The following COPS4 variants were observed in gnomAD, a reference collection of about 807,000 sequenced individuals.
COPS4 encodes COP9 signalosome complex subunit 4.
COPS4 carries 8 observed loss-of-function variants against 55.1 expected under a neutral mutation model. That is an observed-to-expected ratio of 0.15 (90% CI 0.09 to 0.26). COPS4 has a LOEUF of 0.26. Ranked by LOEUF, COPS4 falls within the 10% of genes least tolerant of loss-of-function variation. The pLI, the probability that COPS4 is intolerant of heterozygous loss-of-function variation, is 1.00. For missense variants in COPS4, 248 were observed against 484.0 expected (o/e 0.51, Z 4.58); for synonymous variants, 185 against 165.7 (o/e 1.12, Z -0.90).
chr4:83,036,691 T>A (rs72931104), intron 1 of COPS4, among the ~76,000 whole-genome samples: 1,782 of 152,346 alleles, frequency 0.012, 36 homozygotes, highest in African/African-American at 0.04. Flanking sequence ...AAGCTGTCAG[T>A]AAATATATAT....
intron 1 of COPS4, among the ~76,000 whole-genome samples, chr4:83,036,285 C>T (rs1392515778): frequency 6.7e-6 from 1 of 149,142 alleles, no homozygotes; most frequent in Non-Finnish European, 1.5e-5. Context: ...CACCCGTCTC[C>T]GTAAATAAAT....
intron 4 of COPS4, among the ~76,000 whole-genome samples, chr4:83,053,553 T>C (rs893296221): frequency 1.3e-5 from 2 of 151,992 alleles, no homozygotes; most frequent in African/African-American, 2.4e-5. Flanking sequence ...TTTAAAAAAT[T>C]AAGATGGCAG....
At chr4:83,039,688 G>T (rs1730509740) in intron 1 of COPS4, among the ~76,000 whole-genome samples, 3 of 152,172 alleles carry the variant, frequency 2.0e-5, no homozygotes, top group Non-Finnish European at 1.5e-5. Context: ...CTTGAGTGCA[G>T]TAGAGAGATC....
chr4:83,072,513 T>C (rs773317101), intron 9 of COPS4, among the ~76,000 whole-genome samples: 1 of 152,234 alleles, frequency 6.6e-6, no homozygotes, highest in African/African-American at 2.4e-5. Flanking sequence ...TTGAATTTCC[T>C]GTATTGATTA....
intron 1 of COPS4, among the ~76,000 whole-genome samples, chr4:83,040,476 G>T (rs79483647): frequency 0.016 from 2,469 of 152,270 alleles, 66 homozygotes; most frequent in African/African-American, 0.056. Context: ...CAAAGTGTGT[G>T]TCTCCTCCTT....
Position 83,049,253 on chromosome 4 carries a change from C to G in COPS4, c.242C>G (p.Ala81Gly). 2.5e-6 allele frequency: 4 copies of G among 1,611,462 alleles called. No individual in the cohort carries two copies. Among genetic ancestry groups the G allele is most frequent in the East Asian group, 4.5e-5 (2 of 44,732 alleles). ...THLPNLPDST[A>G]KEIYHFTLEK... ...CTTCCTAACTTGCCTGATAGCACAGCCAAAGAAATCTATCACTTCACCTTG... is the reference window on the plus strand; with the variant it reads ...CTTCCTAACTTGCCTGATAGCACAGGCAAAGAAATCTATCACTTCACCTTG... The change falls in exon 3 of 10, where the codon GCC (alanine) becomes GGC (glycine). Residue 81 changes from alanine to glycine, a missense_variant. By Grantham distance (60) the Ala-to-Gly change is moderately conservative. Coordinates refer to ENST00000264389, the MANE Select transcript of COPS4 (RefSeq NM_016129.3).
At chr4:83,044,791 A>G (rs1730664031) in intron 1 of COPS4, among the ~76,000 whole-genome samples, 1 of 152,176 alleles carries the variant, frequency 6.6e-6, no homozygotes, top group Non-Finnish European at 1.5e-5. Flanking sequence ...CAACAACAAC[A>G]ACAACAACAA....
chr4:83,057,521 T>TA, intron 6 of COPS4, 113 bp downstream of exon 6: 1 of 747,054 alleles, frequency 1.3e-6, no homozygotes, highest in Non-Finnish European at 2.1e-6. Context: ...GATGTCTTCA[T>TA]AATACAGTTA....
intron 9 of COPS4, among the ~76,000 whole-genome samples, chr4:83,072,722 T>C (rs1356773711): frequency 6.6e-6 from 1 of 152,232 alleles, no homozygotes; most frequent in Non-Finnish European, 1.5e-5. Context: ...GATTAAATTG[T>C]GATCTTTGAC....
At chr4:83,042,562 C>T (rs1400058840) in intron 1 of COPS4, among the ~76,000 whole-genome samples, 8 of 149,478 alleles carry the variant, frequency 5.4e-5, no homozygotes, top group Admixed American at 1.3e-4. Flanking sequence ...TCCAGGCACA[C>T]GCCACCACAG....
At chr4:83,062,885 C>G in intron 6 of COPS4, 191 bp from the exon 7 acceptor site, 1 of 457,408 alleles carries the variant, frequency 2.2e-6, no homozygotes, top group Non-Finnish European at 3.8e-6. Flanking sequence ...GCTTTGTATT[C>G]CCATAGGAGC....
intron 9 of COPS4, among the ~76,000 whole-genome samples, chr4:83,070,858 T>C (rs1731409757): frequency 6.6e-6 from 1 of 152,244 alleles, no homozygotes; most frequent in Non-Finnish European, 1.5e-5. Flanking sequence ...CCATTGCTTG[T>C]AGAACAAAGT....
Position 83,071,392 on chromosome 4 carries a change from C to T in COPS4, c.1087+2870C>T, listed in dbSNP as rs545761546. ...CCTCACAACTCTCCTTCTGGCCTTC[C>T]AGTATCAATTTGCTGTAGCTTTTGT... is the stretch of plus-strand genomic sequence containing the variant. On this transcript the variant is annotated intron_variant, in intron 9 of 9. Coordinates refer to ENST00000264389, the MANE Select transcript of COPS4 (RefSeq NM_016129.3). 8.5e-5 allele frequency among the ~76,000 whole-genome samples: 13 copies of T among 152,232 alleles called. No individual in the cohort carries two copies. In the South Asian group the frequency reaches 1.0e-3, roughly 12 times the overall value.
At chr4:83,050,487 C>T (rs755934554) in intron 4 of COPS4, among the ~76,000 whole-genome samples, 4 of 152,016 alleles carry the variant, frequency 2.6e-5, no homozygotes, top group Non-Finnish European at 4.4e-5. Context: ...ACTAGATTTT[C>T]ACCATGTTTA....
chr4:83,051,774 A>G (rs997220633), intron 4 of COPS4, among the ~76,000 whole-genome samples: 10 of 152,220 alleles, frequency 6.6e-5, no homozygotes, highest in Non-Finnish European at 1.2e-4. Flanking sequence ...AAGCCATTAG[A>G]TTGGATGAGA....
At position 83,075,493 on chromosome 4, in the gene COPS4, T is replaced by A. The variant is rs148893280; in HGVS notation, c.*63T>A. 8.8e-4 allele frequency: 1,396 copies of A among 1,580,536 alleles called. 20 individuals are homozygous for A. In the African/African-American group the frequency reaches 0.017, roughly 19 times the overall value. On this transcript the variant is annotated 3_prime_UTR_variant, in exon 10 of 10. Transcript: ENST00000264389. ...CATGTTGTGCAGATCAGTTTCACTA[T>A]CTCCAAAGCATTTGCATCATGACCT...
At chr4:83,043,518 C>CA (rs34480105) in intron 1 of COPS4, among the ~76,000 whole-genome samples, 8,244 of 17,474 alleles carry the variant, frequency 0.47, 2,516 homozygotes, top group African/African-American at 0.6. Flanking sequence ...GACCCTGTCT[C>CA]AAAAAAAAAA....
At chr4:83,071,066 A>C (rs1035703872) in intron 9 of COPS4, among the ~76,000 whole-genome samples, 3 of 152,176 alleles carry the variant, frequency 2.0e-5, no homozygotes, top group African/African-American at 7.2e-5. Context: ...CTGACTTTCC[A>C]GATTAGATAT....
intron 5 of COPS4, 27 bp downstream of exon 5, chr4:83,057,106 CT>C: frequency 6.3e-7 from 1 of 1,593,938 alleles, no homozygotes; most frequent in Non-Finnish European, 8.6e-7. Context: ...TTTGGAATTA[CT>C]TTTGTATTGG....
Sources: gnomAD v4.1 joint callset for allele counts (sites outside exome capture counted in the v4.1 genomes callset) on GRCh38, gnomAD v4.1.1 for gene constraint, MANE v1.5 for transcripts, NCBI Gene and HGNC (gene_info 2026-07-23, HGNC 2026-07-21) for gene names.